The following ZDHHC7 variants were observed in gnomAD, a reference collection of about 807,000 sequenced individuals.
ZDHHC7 encodes the protein zDHHC palmitoyltransferase 7, also known as palmitoyltransferase ZDHHC7.
In ZDHHC7, 12 loss-of-function variants were observed where a neutral mutation model predicts 34.1. The ratio of observed to expected loss-of-function variants is 0.35; its 90% CI spans 0.23 to 0.57. The LOEUF is 0.57. Ranked by LOEUF, ZDHHC7 falls within the 20% of genes least tolerant of loss-of-function variation. The pLI, the probability that ZDHHC7 is intolerant of heterozygous loss-of-function variation, is 0.84. For missense variants in ZDHHC7, 388 were observed against 402.7 expected, an observed-to-expected ratio of 0.96 and a Z score of 0.31; for synonymous variants, 185 against 155.4, an observed-to-expected ratio of 1.19 and a Z score of -1.42.
At chr16:85,003,636 A>C (rs1346307249) in intron 1 of ZDHHC7, among the ~76,000 whole-genome samples, 1 of 152,148 alleles carries the variant, frequency 6.6e-6, no homozygotes, top group African/African-American at 2.4e-5. Flanking sequence ...TATTAACCCA[A>C]CTCAAGCCAG....
At chr16:85,007,678 T>C (rs1336176810) in intron 1 of ZDHHC7, among the ~76,000 whole-genome samples, 1 of 151,954 alleles carries the variant, frequency 6.6e-6, no homozygotes, top group Admixed American at 6.6e-5. Flanking sequence ...CTGATGGATA[T>C]TCGAAGACAT....
At position 84,977,078 on chromosome 16, in the gene ZDHHC7, C is replaced by T. The variant is rs2072308104; in HGVS notation, c.750+17G>A. The T allele has an allele frequency of 6.2e-7, 1 of 1,613,842 alleles. No individual in the cohort carries two copies. Among genetic ancestry groups the T allele is most frequent in the African/African-American group, 1.3e-5 (1 of 75,044 alleles). ...TGGACCACATATGAAGTCCACACAG[C>T]CGAGAACAAAGCTTACCGTCTCGTC... is the stretch of plus-strand genomic sequence containing the variant. On this transcript the variant is annotated intron_variant, in intron 7 of 7. Transcript: ENST00000313732.
At chr16:85,015,116 T>C (rs1166353265), upstream of ZDHHC7, among the ~76,000 whole-genome samples, 1 of 150,574 alleles carries the variant, frequency 6.6e-6, no homozygotes, top group Non-Finnish European at 1.5e-5. Context: ...TTTTTTTTTC[T>C]GAGATGGAGT....
chr16:85,010,678 GTCTA>G (rs1482074540), intron 1 of ZDHHC7, among the ~76,000 whole-genome samples: 1 of 146,492 alleles, frequency 6.8e-6, no homozygotes, highest in Non-Finnish European at 1.5e-5. Context: ...AATAAAGTGT[GTCTA>G]TCTAACTGAG....
chr16:85,000,035 G>C (rs2072633139), intron 1 of ZDHHC7, among the ~76,000 whole-genome samples: 1 of 151,712 alleles, frequency 6.6e-6, no homozygotes, highest in African/African-American at 2.4e-5. Flanking sequence ...AGCTGCTCAG[G>C]AGGCTGAGGC....
intron 1 of ZDHHC7, among the ~76,000 whole-genome samples, chr16:85,001,154 C>A (rs1397741932): frequency 1.3e-5 from 2 of 152,110 alleles, no homozygotes; most frequent in Admixed American, 6.6e-5. Context: ...AGGCACCAGA[C>A]CTTAGGTAAA....
At chr16:84,983,833 C>G (rs1002590271) in intron 3 of ZDHHC7, among the ~76,000 whole-genome samples, 6 of 151,650 alleles carry the variant, frequency 4.0e-5, no homozygotes, top group Admixed American at 1.3e-4. Context: ...AACCCCATCT[C>G]TACTAAAAAT....
upstream of ZDHHC7, among the ~76,000 whole-genome samples, chr16:85,014,798 A>G (rs905025571): frequency 6.6e-6 from 1 of 152,184 alleles, no homozygotes; most frequent in Non-Finnish European, 1.5e-5. Flanking sequence ...GAACATTCCC[A>G]AGGTGGTTGG....
At chr16:85,011,947 G>C (rs1287661407), upstream of ZDHHC7, among the ~76,000 whole-genome samples, 1 of 152,242 alleles carries the variant, frequency 6.6e-6, no homozygotes, top group East Asian at 1.9e-4. Flanking sequence ...TGGGAAAAGA[G>C]GAAAGCGCCC....
At chr16:85,011,128 G>T (rs1045540483) in intron 1 of ZDHHC7, among the ~76,000 whole-genome samples, 158 bp downstream of exon 1, 4 of 152,244 alleles carry the variant, frequency 2.6e-5, no homozygotes, top group African/African-American at 9.6e-5. Flanking sequence ...TCAGGTGCGG[G>T]CACGGAGGTG....
chr16:84,989,553 G>A (rs1597544188), intron 3 of ZDHHC7, among the ~76,000 whole-genome samples: 1 of 152,014 alleles, frequency 6.6e-6, no homozygotes, highest in Non-Finnish European at 1.5e-5. Context: ...AAATTAGCCA[G>A]GCATGGTGGT....
At chr16:85,001,617 C>T (rs1027271259) in intron 1 of ZDHHC7, among the ~76,000 whole-genome samples, 5 of 152,106 alleles carry the variant, frequency 3.3e-5, no homozygotes, top group Non-Finnish European at 7.4e-5. Flanking sequence ...ATGGAAATAT[C>T]TACAGATATG....
chr16:84,976,486 A>C lies in ZDHHC7; in HGVS notation c.784T>G (p.Trp262Gly), dbSNP rs1162093901. ...CCTTCCCATCGCAGCCTCCGCTCCC[A>C]TGTGGGCTTCTCACTTTTCAATCGC... The part of the protein sequence containing the change: ...IERLKSEKPT[W>G]ERRLRWEGMK... The change falls in exon 8 of 8, where the codon TGG (tryptophan) becomes GGG (glycine). Residue 262 changes from tryptophan (W) to glycine (G), a missense_variant. Trp to Gly is a radical substitution (Grantham distance 184). Transcript: ENST00000313732. The C allele has an allele frequency of 1.2e-6, 2 of 1,613,916 alleles. No homozygotes were observed. The highest frequency in any genetic ancestry group is 2.2e-5 in the East Asian group (1 of 44,882).
At chr16:85,019,583 G>C in the ZDHHC7 span, among the ~76,000 whole-genome samples, 2 of 152,116 alleles carry the variant, frequency 1.3e-5, no homozygotes, top group African/African-American at 4.8e-5. Flanking sequence ...CGGGCGTGGT[G>C]GCAGGCACCT....
At position 85,011,483 on chromosome 16, in the gene ZDHHC7, T is replaced by A. The variant is rs532515398; in HGVS notation, c.-301A>T. The A allele has an allele frequency of 1.3e-5, 2 of 152,136 alleles. No individual in the cohort carries two copies. Among genetic ancestry groups the A allele is most frequent in the African/African-American group, 4.8e-5 (2 of 41,428 alleles). The allele number at this position is 152,136 out of a possible 1,614,324, so 9.4% of individuals were successfully genotyped here. A position where few individuals can be genotyped will look rare whatever the true frequency, so the allele number is the denominator to read the frequency against. On this transcript the variant is annotated 5_prime_UTR_variant, in exon 1 of 8. Coordinates refer to ENST00000313732, the MANE Select transcript of ZDHHC7 (RefSeq NM_017740.3). ...CGGAAGGAGGCTGCAGCCAAGCAAA[T>A]GCCTCAGCCCGGAGCCTTGGCTGGA... is the stretch of plus-strand genomic sequence containing the variant.
chr16:85,007,235 C>T (rs532547931), intron 1 of ZDHHC7, among the ~76,000 whole-genome samples: 2 of 151,494 alleles, frequency 1.3e-5, no homozygotes, highest in African/African-American at 2.4e-5. Flanking sequence ...ATCAGCCTGG[C>T]CAACATGGTA....
At chr16:84,988,656 T>C in intron 3 of ZDHHC7, 1 of 944,724 alleles carries the variant, frequency 1.1e-6, no homozygotes, top group Non-Finnish European at 1.6e-6. Context: ...CTGTAGAGTC[T>C]GAGCGCAGAG....
chr16:85,024,318 G>A, the ZDHHC7 span, among the ~76,000 whole-genome samples: 5 of 137,770 alleles, frequency 3.6e-5, no homozygotes, highest in Non-Finnish European at 7.6e-5. Flanking sequence ...TGCAACCTCC[G>A]CCTCCCAGGT....
upstream of ZDHHC7, among the ~76,000 whole-genome samples, chr16:85,012,787 C>G (rs2072811266): frequency 6.6e-6 from 1 of 151,888 alleles, no homozygotes. Flanking sequence ...CGCCTGTAAT[C>G]TCAGCTACTC....
Sources: allele counts gnomAD v4.1 joint callset (sites outside exome capture counted in the v4.1 genomes callset), GRCh38; gene constraint gnomAD v4.1.1; transcripts MANE v1.5; gene names NCBI Gene and HGNC (gene_info 2026-07-23, HGNC 2026-07-21).